Variants in TLCD3B observed in about 807,000 individuals in gnomAD.
TLCD3B encodes TLC domain containing 3B.
Under a neutral mutation model 23.0 loss-of-function variants are expected in TLCD3B, and 9 were observed. The observed-to-expected ratio is 0.39, with a 90% CI of 0.24 to 0.68. The LOEUF is 0.68. TLCD3B is among the 30% of genes least tolerant of loss of function. The pLI, the probability that TLCD3B is intolerant of heterozygous loss-of-function variation, is 0.44. For missense variants in TLCD3B, 307 were observed against 371.8 expected (o/e 0.83, Z 1.43); for synonymous variants, 161 against 161.0 (o/e 1.00, Z 0.00).
intron 3 of TLCD3B, chr16:30,036,513 A>G (rs571589574): frequency 1.0e-6 from 1 of 963,490 alleles, no homozygotes; most frequent in South Asian, 1.7e-5. Flanking sequence ...TCTCGGGATA[A>G]AAGGAAGGTG....
At position 30,050,544 on chromosome 16, in the gene TLCD3B, AAAAAAC is replaced by A. The variant is rs1409877750; in HGVS notation, c.-294+2224_-294+2229del. Among the ~76,000 whole-genome samples the A allele has an allele frequency of 3.9e-5, 6 of 152,194 alleles. No individual in the cohort carries two copies. The South Asian group carries it at 6.2e-4, about 16-fold the overall frequency. ...GCTACCGAGTGAGACTCTGTCTCAA[AAAAAAC>A]AAAAACAAAAACAAAAACCGGAAGA... On this transcript the variant is annotated intron_variant, in intron 1 of 6. Transcript: ENST00000561666.
chr16:30,037,943 G>A (rs911668412), intron 3 of TLCD3B, among the ~76,000 whole-genome samples: 2 of 152,122 alleles, frequency 1.3e-5, no homozygotes, highest in Non-Finnish European at 2.9e-5. Flanking sequence ...ATTCAGAAAA[G>A]CAAAACATCT....
chr16:30,040,658 C>CT (rs199586526), intron 3 of TLCD3B, among the ~76,000 whole-genome samples: 3 of 150,744 alleles, frequency 2.0e-5, no homozygotes, highest in African/African-American at 4.9e-5. Context: ...TTTTCTTTTT[C>CT]TTTTTTTTTA....
chr16:30,045,612 GGTGT>G (rs918077004), intron 2 of TLCD3B, among the ~76,000 whole-genome samples: 1 of 137,012 alleles, frequency 7.3e-6, no homozygotes, highest in Admixed American at 7.5e-5. Context: ...GTGTTTGTGT[GGTGT>G]GTGTGTGTAT....
chr16:30,025,653 C>T lies in TLCD3B; in HGVS notation c.540+73G>A. On this transcript the variant is annotated intron_variant, in intron 4 of 4. Coordinates refer to ENST00000380495, the MANE Select transcript of TLCD3B (RefSeq NM_031478.6). This position sits in a 1 kb window ranked among gnomAD's most constrained non-coding sequence, Gnocchi z 4.1. ...ATGACGAAGGGGCTAGAGCCCTTGG[C>T]AGCAACCTTGAAGGTCCCTCCCCTT... 2 of 1,533,478 alleles carry T rather than the reference C, an allele frequency of 1.3e-6. No individual in the cohort carries two copies. The highest frequency in any genetic ancestry group is 1.8e-6 in the Non-Finnish European group (2 of 1,107,662). The allele number at this position is 1,533,478 out of a possible 1,614,324, so 95.0% of individuals were successfully genotyped here.
In TLCD3B at chr16:30,029,619, T is replaced by C; in HGVS notation, c.126-104A>G. The C allele has an allele frequency of 2.0e-6, 2 of 998,842 alleles. No individual in the cohort carries two copies. Among genetic ancestry groups the C allele is most frequent in the Admixed American group, 2.0e-5 (1 of 49,496 alleles). The allele number at this position is 998,842 out of a possible 1,614,324, so 61.9% of individuals were successfully genotyped here. ...ACGACTGCGCTTTGCGTTCAGCCAC[T>C]TCTCGGGCCAGTCCTTGCCTGCCTT... is the stretch of plus-strand genomic sequence containing the variant. On this transcript the variant is annotated intron_variant, in intron 1 of 4. Transcript: ENST00000380495. This position sits in a 1 kb window ranked among gnomAD's most constrained non-coding sequence, Gnocchi z 4.6.
intron 3 of TLCD3B, among the ~76,000 whole-genome samples, chr16:30,037,491 C>T (rs1317549100): frequency 6.7e-6 from 1 of 148,542 alleles, no homozygotes; most frequent in African/African-American, 2.5e-5. Flanking sequence ...TGCAGTGAGC[C>T]GAGATGGCAC....
At chr16:30,043,561 T>C (rs1364915331) in intron 2 of TLCD3B, among the ~76,000 whole-genome samples, 2 of 152,026 alleles carry the variant, frequency 1.3e-5, no homozygotes, top group Non-Finnish European at 2.9e-5. Context: ...GATGAGGAAA[T>C]TGAGGCACAG....
Position 30,030,261 on chromosome 16 carries a change from G to C in TLCD3B, c.125+142C>G, listed in dbSNP as rs2071313619. 7.1e-6 allele frequency: 8 copies of C among 1,130,902 alleles called. No homozygotes were observed. The East Asian group carries it at 1.7e-4, about 24-fold the overall frequency. 70.1% of individuals were successfully genotyped at this position (1,130,902 alleles called of 1,614,324 possible). ...GAGCAAGGCAGGCAGTGAGGAGAGA[G>C]GAAGCCTGGGGGTAAAGCCCCGGAC... is the stretch of plus-strand genomic sequence containing the variant. On this transcript the variant is annotated intron_variant, in intron 1 of 4. Transcript: ENST00000380495.
intron 2 of TLCD3B, among the ~76,000 whole-genome samples, chr16:30,043,399 TAA>T (rs1411654312): frequency 6.6e-6 from 1 of 151,956 alleles, no homozygotes; most frequent in Non-Finnish European, 1.5e-5. Context: ...GCTTATTTTT[TAA>T]GTTTTTCCTA....
At chr16:30,026,884 G>A (rs1423266407) in intron 2 of TLCD3B, 41 bp from the exon 3 acceptor site, 2 of 1,546,140 alleles carry the variant, frequency 1.3e-6, no homozygotes, top group Middle Eastern at 1.7e-4. Flanking sequence ...AAGGAGGAAA[G>A]GGGACACCAG....
upstream of TLCD3B, chr16:30,032,941 C>T (rs2071396998): frequency 6.6e-6 from 1 of 152,182 alleles, no homozygotes; most frequent in African/African-American, 2.4e-5. Context: ...AGCCACCACG[C>T]CCGGATGAAA....
At chr16:30,036,265 G>T (rs2150989367), upstream of TLCD3B, 1 of 1,288,956 alleles carries the variant, frequency 7.8e-7, no homozygotes, top group Non-Finnish European at 1.0e-6. Context: ...ACTTTAAAAT[G>T]ACATTTGTTG....
At chr16:30,050,233 C>T (rs539846519) in intron 1 of TLCD3B, among the ~76,000 whole-genome samples, 1 of 152,270 alleles carries the variant, frequency 6.6e-6, no homozygotes, top group East Asian at 1.9e-4. Context: ...CCTCAGGATT[C>T]CATCAGACAA....
In TLCD3B at chr16:30,048,722, T is replaced by C. The variant is rs566162339; in HGVS notation, c.-293-2335A>G. Among the ~76,000 whole-genome samples, 346 of 151,942 alleles carry C rather than the reference T, an allele frequency of 2.3e-3. 3 individuals carry two copies. The highest frequency in any genetic ancestry group is 4.1e-3 in the Non-Finnish European group (282 of 67,962). On this transcript the variant is annotated intron_variant, in intron 1 of 6. Coordinates refer to the TLCD3B transcript ENST00000561666. ...CCCCAGTTCAAGTGATTCTCCTGCCTCAGCCTCCCGAGTAGCTGAGATTAC... is the reference window on the plus strand; with the variant it reads ...CCCCAGTTCAAGTGATTCTCCTGCCCCAGCCTCCCGAGTAGCTGAGATTAC...
intron 2 of TLCD3B, among the ~76,000 whole-genome samples, chr16:30,044,153 C>T (rs917101320): frequency 2.0e-5 from 3 of 150,992 alleles, no homozygotes; most frequent in African/African-American, 7.3e-5. Flanking sequence ...TGTGCCATCA[C>T]ACTTGGCTAA....
intron 1 of TLCD3B, among the ~76,000 whole-genome samples, chr16:30,047,410 C>T (rs965061395): frequency 6.6e-6 from 1 of 152,126 alleles, no homozygotes; most frequent in African/African-American, 2.4e-5. Context: ...CAACCTCTGC[C>T]TCCCAGGTTC....
intron 1 of TLCD3B, among the ~76,000 whole-genome samples, chr16:30,051,516 C>T (rs1180024798): frequency 6.5e-5 from 8 of 123,656 alleles, no homozygotes; most frequent in Non-Finnish European, 1.1e-4. Context: ...AGCAAAACTC[C>T]GTTTCAAAAA....
At chr16:30,037,275 G>T (rs1281626367) in intron 3 of TLCD3B, among the ~76,000 whole-genome samples, 1 of 150,920 alleles carries the variant, frequency 6.6e-6, no homozygotes, top group East Asian at 2.0e-4. Context: ...GGGCACGGTG[G>T]CTCCCGCCTG....
Sources: gnomAD v4.1 joint callset for allele counts (sites outside exome capture counted in the v4.1 genomes callset) on GRCh38, gnomAD v4.1.1 for gene constraint, Gnocchi (gnomAD v3.1) non-coding constraint, MANE v1.5 for transcripts, NCBI Gene and HGNC (gene_info 2026-07-23, HGNC 2026-07-21) for gene names.